FNDC3B: variants seen among roughly 807,000 people sequenced by gnomAD.
FNDC3B encodes the protein fibronectin type III domain containing 3B, also known as fibronectin type III domain-containing protein 3B.
A neutral mutation model predicts 151.5 loss-of-function variants in FNDC3B; 12 were observed. The ratio of observed to expected loss-of-function variants is 0.08; its 90% CI spans 0.05 to 0.13. FNDC3B has a LOEUF of 0.13. Ranked by LOEUF, FNDC3B falls within the 10% of genes least tolerant of loss-of-function variation. The pLI is 1.00. For synonymous variants in FNDC3B, 528 were observed against 549.0 expected, an observed-to-expected ratio of 0.96 and a Z score of 0.54; for missense variants, 1,214 against 1,505.3, an observed-to-expected ratio of 0.81 and a Z score of 3.20.
chr3:172,356,859 C>T (rs941233458), intron 22 of FNDC3B, among the ~76,000 whole-genome samples: 3 of 152,128 alleles, frequency 2.0e-5, no homozygotes, highest in Non-Finnish European at 4.4e-5. Context: ...GCCCCTCCTA[C>T]CCTAGCCCTT....
intron 2 of FNDC3B, among the ~76,000 whole-genome samples, chr3:172,131,789 T>G (rs1441599584): frequency 6.6e-6 from 1 of 152,204 alleles, no homozygotes; most frequent in Non-Finnish European, 1.5e-5. Context: ...CAAAACAAAT[T>G]ATAGTGTATA....
chr3:172,245,382 G>T (rs1402939527), intron 4 of FNDC3B, among the ~76,000 whole-genome samples: 2 of 152,100 alleles, frequency 1.3e-5, no homozygotes, highest in Non-Finnish European at 2.9e-5. Context: ...TAAACCTCTA[G>T]AAAACAAGTA....
At chr3:172,245,015 A>G (rs1727705277) in intron 4 of FNDC3B, among the ~76,000 whole-genome samples, 1 of 152,164 alleles carries the variant, frequency 6.6e-6, no homozygotes. Context: ...TTCATTATGC[A>G]TGCACATGTA....
At chr3:172,377,494 A>T (rs972047407) in intron 23 of FNDC3B, among the ~76,000 whole-genome samples, 2 of 152,210 alleles carry the variant, frequency 1.3e-5, no homozygotes, top group African/African-American at 4.8e-5. Context: ...CTGGGGGAAA[A>T]CACCTAAAAC....
intron 1 of FNDC3B, among the ~76,000 whole-genome samples, chr3:172,107,900 AC>A (rs1281466719): frequency 5.3e-5 from 8 of 151,450 alleles, no homozygotes; most frequent in African/African-American, 7.3e-5. Context: ...AGAAAAAAAA[AC>A]ATTAAAATTA....
At chr3:172,376,263 T>C (rs1735137112) in intron 23 of FNDC3B, among the ~76,000 whole-genome samples, 2 of 152,354 alleles carry the variant, frequency 1.3e-5, no homozygotes, top group South Asian at 4.1e-4. Context: ...CTTAGAGTAA[T>C]GAATTTGCTT....
At chr3:172,209,113 C>T (rs1041098626) in intron 3 of FNDC3B, among the ~76,000 whole-genome samples, 16 of 147,542 alleles carry the variant, frequency 1.1e-4, no homozygotes, top group African/African-American at 3.3e-4. Context: ...GCCTACAGTG[C>T]GCAGTGAGCG....
Position 172,330,710 on chromosome 3 carries a change from G to A in FNDC3B, c.1549G>A (p.Glu517Lys), listed in dbSNP as rs780214281. 6.2e-7 allele frequency: 1 copy of A among 1,612,258 alleles called. No individual in the cohort carries two copies. The highest frequency in any genetic ancestry group is 2.2e-5 in the East Asian group (1 of 44,844). ...CTACACCTTGGAAATTCAGGAGGAT[G>A]AAAATGTGAGTTTTACAGATTTTAT... ...ITYTLEIQED[E>K]NDNLFHPKYT... The change falls in exon 13 of 26, where the codon GAA becomes AAA. Residue 517 changes from glutamate to lysine, a missense_variant. Around this residue, in one of 7 missense-constraint regions of FNDC3B, gnomAD observed 111 missense variants for 96.8 expected, o/e 1.15. Transcript: ENST00000415807.
At chr3:172,280,998 AGGG>A (rs1729681018) in intron 6 of FNDC3B, among the ~76,000 whole-genome samples, 20 of 151,760 alleles carry the variant, frequency 1.3e-4, no homozygotes, top group Admixed American at 1.2e-3. Context: ...ATTTGTTTTT[AGGG>A]AAAAGAAAGA....
intron 1 of FNDC3B, among the ~76,000 whole-genome samples, chr3:172,099,222 A>G (rs190258312): frequency 5.9e-5 from 9 of 152,304 alleles, no homozygotes; most frequent in African/African-American, 1.7e-4. Context: ...CTGAATTTCA[A>G]TGTCCTACTA....
At chr3:172,071,728 T>G (rs1304252936) in intron 1 of FNDC3B, among the ~76,000 whole-genome samples, 1 of 152,138 alleles carries the variant, frequency 6.6e-6, no homozygotes, top group African/African-American at 2.4e-5. Flanking sequence ...AAAATACTTA[T>G]TAGCTAAAAA....
chr3:172,161,537 T>C, intron 3 of FNDC3B, among the ~76,000 whole-genome samples: 1 of 152,244 alleles, frequency 6.6e-6, no homozygotes. Flanking sequence ...AGCCATTTGA[T>C]ACAGCTTTTA....
At chr3:172,281,346 A>G (rs1340321160) in intron 6 of FNDC3B, among the ~76,000 whole-genome samples, 1 of 152,042 alleles carries the variant, frequency 6.6e-6, no homozygotes, top group African/African-American at 2.4e-5. Flanking sequence ...CCCGGGTTCA[A>G]GCGATCTCCT....
chr3:172,114,041 A>G (rs1412161551), intron 2 of FNDC3B, among the ~76,000 whole-genome samples: 1 of 152,174 alleles, frequency 6.6e-6, no homozygotes, highest in African/African-American at 2.4e-5. Context: ...TTGCCCCACC[A>G]GAAAGCAGTC....
At chr3:172,217,955 A>G (rs1455005409) in intron 3 of FNDC3B, among the ~76,000 whole-genome samples, 2 of 152,090 alleles carry the variant, frequency 1.3e-5, no homozygotes, top group African/African-American at 2.4e-5. Flanking sequence ...TAACAATTCT[A>G]TCAGCAACTC....
chr3:172,318,284 G>T (rs186389444), intron 11 of FNDC3B, among the ~76,000 whole-genome samples: 2 of 152,242 alleles, frequency 1.3e-5, no homozygotes, highest in Non-Finnish European at 2.9e-5. Flanking sequence ...AGCAGGTCAG[G>T]CCAGGCCAGG....
intron 1 of FNDC3B, among the ~76,000 whole-genome samples, chr3:172,107,503 A>AC (rs1317124008): frequency 6.6e-6 from 1 of 152,166 alleles, no homozygotes; most frequent in African/African-American, 2.4e-5. Context: ...TACAGCCTTG[A>AC]CCAAAATGCC....
At chr3:172,052,358 A>G (rs1046403754) in intron 1 of FNDC3B, among the ~76,000 whole-genome samples, 1 of 152,014 alleles carries the variant, frequency 6.6e-6, no homozygotes, top group Non-Finnish European at 1.5e-5. Flanking sequence ...GATTACAGGC[A>G]TGAGCCACAC....
At chr3:172,116,527 A>T (rs551185892) in intron 2 of FNDC3B, among the ~76,000 whole-genome samples, 1 of 152,064 alleles carries the variant, frequency 6.6e-6, no homozygotes. Context: ...ATAAAATTAC[A>T]TAACATTTGG....
Sources: allele counts gnomAD v4.1 joint callset (sites outside exome capture counted in the v4.1 genomes callset), GRCh38; gene constraint gnomAD v4.1.1; regional missense constraint gnomAD v4.1.1; transcripts MANE v1.5; gene names NCBI Gene and HGNC (gene_info 2026-07-23, HGNC 2026-07-21).